Variants in TMEM8B observed in about 807,000 individuals in gnomAD.
TMEM8B encodes the protein transmembrane protein 8B, also known as nasopharyngeal carcinoma expressed 6.
Under a neutral mutation model 49.3 loss-of-function variants are expected in TMEM8B, and 29 were observed. That is an observed-to-expected ratio of 0.59 (90% CI 0.44 to 0.80). The LOEUF is 0.80. Ranked by LOEUF, TMEM8B falls within the 30% of genes least tolerant of loss-of-function variation. The pLI, the probability that TMEM8B is intolerant of heterozygous loss-of-function variation, is 0.00. For synonymous variants in TMEM8B, 264 were observed against 272.8 expected (o/e 0.97, Z 0.32); for missense variants, 575 against 658.5 (o/e 0.87, Z 1.39).
chr9:35,853,096 G>A lies in TMEM8B; in HGVS notation c.2323-45G>A, dbSNP rs762364560. On this transcript the variant is annotated intron_variant, in intron 11 of 12. Transcript: ENST00000643932. The surrounding 1 kb of genome is among the most constrained non-coding windows in gnomAD (Gnocchi z 4.2). ...ATTCTGACCCAGGCCCTGGAGTGCT[G>A]TCTGTCACCTGGCCCTAGCCCAGCC... The A allele has an allele frequency of 1.2e-6, 2 of 1,608,576 alleles. No homozygotes were observed. Among genetic ancestry groups the A allele is most frequent in the Admixed American group, 1.7e-5 (1 of 59,956 alleles).
chr9:35,860,546 A>G lies in TMEM8B; in HGVS notation c.*6706A>G, dbSNP rs1832631860. 3.9e-5 allele frequency: 6 copies of G among 152,306 alleles called. No homozygotes were observed. The South Asian group carries it at 1.2e-3, about 32-fold the overall frequency. 9.4% of individuals were successfully genotyped at this position (152,306 alleles called of 1,614,324 possible). On this transcript the variant is annotated 3_prime_UTR_variant, in exon 13 of 13. Transcript: ENST00000643932. ...ATGAGCTCCGGAAGGCAGGTGGGTAATGGATGATGCTCACCTAGTGTTCCT... is the reference window on the plus strand; with the variant it reads ...ATGAGCTCCGGAAGGCAGGTGGGTAGTGGATGATGCTCACCTAGTGTTCCT...
intron 3 of TMEM8B, among the ~76,000 whole-genome samples, chr9:35,840,479 G>C (rs1399485111): frequency 6.6e-6 from 1 of 152,170 alleles, no homozygotes; most frequent in Non-Finnish European, 1.5e-5. Context: ...ACATCAAATA[G>C]GACAGGGTTC....
intron 6 of TMEM8B, chr9:35,845,323 T>C (rs1831415259): frequency 1.1e-6 from 1 of 889,818 alleles, no homozygotes; most frequent in Non-Finnish European, 1.3e-6. Context: ...TAAGTTTCCC[T>C]CAGGCATTTA....
rs1219137120 is a variant in TMEM8B at position 35,856,436 on chromosome 9, G to A, written c.*2596G>A. The A allele has an allele frequency of 6.6e-6, 1 of 152,272 alleles. No individual in the cohort carries two copies. Among genetic ancestry groups the A allele is most frequent in the East Asian group, 1.9e-4 (1 of 5,192 alleles). 9.4% of individuals were successfully genotyped at this position (152,272 alleles called of 1,614,324 possible). On this transcript the variant is annotated 3_prime_UTR_variant, in exon 13 of 13. Transcript: ENST00000643932. ...TTTGTGTGTGGAGTGGGGTGGTGGA[G>A]GTAAGCAGCCAATGATATGATTAGA...
At chr9:35,845,503 A>G in intron 6 of TMEM8B, 3 of 985,422 alleles carry the variant, frequency 3.0e-6, no homozygotes, top group Non-Finnish European at 3.6e-6. Flanking sequence ...GCATTCTGTT[A>G]CCACTGTTCA....
Position 35,842,293 on chromosome 9 carries a change from C to A in TMEM8B, c.1310-99C>A. ...ATCGCATTCTAGTTCTCATCCTTCC[C>A]CACTCTTTGCGAAATCCTGTCTAGC... On this transcript the variant is annotated intron_variant, in intron 5 of 12. Transcript: ENST00000643932. This position sits in a 1 kb window ranked among gnomAD's most constrained non-coding sequence, Gnocchi z 5.6. 1 of 924,926 alleles carries A rather than the reference C, an allele frequency of 1.1e-6. No homozygotes were observed. Among genetic ancestry groups the A allele is most frequent in the Non-Finnish European group, 1.6e-6 (1 of 641,876 alleles). 57.3% of individuals were successfully genotyped at this position (924,926 alleles called of 1,614,324 possible). A position where few individuals can be genotyped will look rare whatever the true frequency, so the allele number is the denominator to read the frequency against.
intron 3 of TMEM8B, among the ~76,000 whole-genome samples, chr9:35,840,195 G>GAGC (rs773134784): frequency 1.3e-5 from 2 of 152,234 alleles, no homozygotes; most frequent in Middle Eastern, 6.3e-3. Flanking sequence ...AACAGAGAAG[G>GAGC]AGCTGGGGAT....
At chr9:35,831,900 G>A (rs1012993480) in intron 1 of TMEM8B, among the ~76,000 whole-genome samples, 6 of 152,172 alleles carry the variant, frequency 3.9e-5, no homozygotes, top group African/African-American at 1.4e-4. Context: ...ACCTAATGGT[G>A]GTGATGGGTT....
At chr9:35,839,084 A>G (rs1416578559) in intron 3 of TMEM8B, among the ~76,000 whole-genome samples, 1 of 152,200 alleles carries the variant, frequency 6.6e-6, no homozygotes, top group Non-Finnish European at 1.5e-5. Context: ...TGCACTTGCT[A>G]TTCCCGCAGA....
intron 1 of TMEM8B, chr9:35,833,226 G>T: frequency 5.9e-6 from 4 of 680,346 alleles, no homozygotes; most frequent in Non-Finnish European, 7.3e-6. Flanking sequence ...GACTAGGTTA[G>T]CCCTGAGGGT....
At chr9:35,847,347 G>C (rs1048958080) in intron 10 of TMEM8B, 4 of 606,826 alleles carry the variant, frequency 6.6e-6, no homozygotes, top group South Asian at 2.0e-5. Flanking sequence ...CATGTTCTCT[G>C]TATGGGGGCA....
At chr9:35,845,388 A>G in intron 6 of TMEM8B, 2 of 985,386 alleles carry the variant, frequency 2.0e-6, no homozygotes, top group Non-Finnish European at 2.4e-6. Context: ...AGGTGAGCTT[A>G]TGGCATCCTG....
rs1832288371 is a variant in TMEM8B at position 35,852,980 on chromosome 9, C to G, written c.2322+7C>G. 1 of 1,614,014 alleles carries G rather than the reference C, an allele frequency of 6.2e-7. No individual in the cohort carries two copies. The highest frequency in any genetic ancestry group is 1.3e-5 in the African/African-American group (1 of 74,904). ...ACAGCCCGTGGTCAAGCAGGTCAGT[C>G]CAGAGTGGGCCCTGGGGAACAACCA... On this transcript the variant is annotated splice_region_variant and intron_variant, in intron 11 of 12. Transcript: ENST00000643932.
In TMEM8B at chr9:35,846,070, T is replaced by C. The variant is rs767604400; in HGVS notation, c.1729+2T>C. ...ATGCAGCAGTGACCTGTTCCAAAGG[T>C]GAGGTGAGGAATGGGGGAGGAGAGG... On this transcript the variant is annotated splice_donor_variant, in intron 7 of 12. Transcript: ENST00000643932. LOFTEE classifies it high-confidence loss of function. The C allele has an allele frequency of 1.3e-6, 2 of 1,584,506 alleles. No individual in the cohort carries two copies. The highest frequency in any genetic ancestry group is 1.7e-6 in the Non-Finnish European group (2 of 1,170,390).
At chr9:35,830,404 A>G (rs77917218) in intron 1 of TMEM8B, among the ~76,000 whole-genome samples, 1 of 152,228 alleles carries the variant, frequency 6.6e-6, no homozygotes, top group Admixed American at 6.5e-5. Context: ...TATGTAGCAA[A>G]TAGATGAATA....
intron 3 of TMEM8B, among the ~76,000 whole-genome samples, chr9:35,840,533 A>G (rs1830870459): frequency 6.6e-6 from 1 of 152,050 alleles, no homozygotes; most frequent in African/African-American, 2.4e-5. Flanking sequence ...CTGGGAAGTA[A>G]TGAGTGGCCC....
chr9:35,850,835 G>T (rs1032781127), intron 10 of TMEM8B, among the ~76,000 whole-genome samples: 5 of 152,164 alleles, frequency 3.3e-5, no homozygotes, highest in South Asian at 4.1e-4. Context: ...TGAAAGTGAA[G>T]CATATGGAGC....
chr9:35,844,712 G>T (rs1391382282), intron 6 of TMEM8B, among the ~76,000 whole-genome samples: 1 of 152,312 alleles, frequency 6.6e-6, no homozygotes, highest in East Asian at 1.9e-4. Context: ...ACAGCCTTAC[G>T]CATACTTGTT....
rs1832310164 is a variant in TMEM8B at position 35,853,179 on chromosome 9, T to C, written c.2361T>C (p.Ala787=). 1 of 1,614,030 alleles carries C rather than the reference T, an allele frequency of 6.2e-7. No individual in the cohort carries two copies. Among genetic ancestry groups the C allele is most frequent in the African/African-American group, 1.3e-5 (1 of 74,930 alleles). Reference sequence around the variant, plus strand: ...TGGGAGCTATGCTGCTGTCCATGGCTCTGCAGCTTGACCGACATGGACTCT... The same window carrying C: ...TGGGAGCTATGCTGCTGTCCATGGCCCTGCAGCTTGACCGACATGGACTCT... ...YLLGAMLLSM[A]LQLDRHGLWN... The change falls in exon 12 of 13, where the codon GCT becomes GCC. Residue 787 remains alanine (A), a synonymous_variant. Transcript: ENST00000643932. The surrounding 1 kb of genome is among the most constrained non-coding windows in gnomAD (Gnocchi z 4.2).
Sources: gnomAD v4.1 joint callset for allele counts (sites outside exome capture counted in the v4.1 genomes callset) on GRCh38, gnomAD v4.1.1 for gene constraint, Gnocchi (gnomAD v3.1) non-coding constraint, MANE v1.5 for transcripts, NCBI Gene and HGNC (gene_info 2026-07-23, HGNC 2026-07-21) for gene names.